The following AATK variants were observed in gnomAD, a reference collection of about 807,000 sequenced individuals.
AATK encodes the protein lemur tail kinase 1.
A neutral mutation model predicts 114.3 loss-of-function variants in AATK; 91 were observed. The ratio of observed to expected loss-of-function variants is 0.80; its 90% CI spans 0.67 to 0.95. The LOEUF is 0.95. Ranked by LOEUF, AATK falls within the 40% of genes least tolerant of loss-of-function variation. The probability of loss-of-function intolerance (pLI) is 0.00; values close to 1 mark genes in which losing one functional copy is unlikely to be tolerated. For synonymous variants in AATK, 1,075 were observed against 916.5 expected (o/e 1.17, Z -3.12); for missense variants, 2,176 against 1,965.2 (o/e 1.11, Z -2.03).
At chr17:81,130,741 C>T (rs142519867) in intron 3 of AATK, among the ~76,000 whole-genome samples, 53 of 152,238 alleles carry the variant, frequency 3.5e-4, no homozygotes, top group African/African-American at 1.2e-3. Flanking sequence ...ACCCCTGCCC[C>T]GTGCCCACCC....
intron 1 of AATK, 48 bp from the exon 2 acceptor site, chr17:81,134,549 A>G (rs1291604771): frequency 6.3e-7 from 1 of 1,583,506 alleles, no homozygotes; most frequent in South Asian, 1.1e-5. Flanking sequence ...AGGGCCGGCC[A>G]GGCCCCTGCC....
At chr17:81,160,605 G>A (rs887482682) in intron 1 of AATK, among the ~76,000 whole-genome samples, 19 of 152,206 alleles carry the variant, frequency 1.2e-4, no homozygotes, top group African/African-American at 3.1e-4. Flanking sequence ...CGGAGGGGAC[G>A]GGAGTCTCCC....
At position 81,126,925 on chromosome 17, in the gene AATK, C is replaced by G; in HGVS notation, c.622-365G>C. The G allele has an allele frequency of 1.0e-6, 1 of 973,302 alleles. No homozygotes were observed. Among genetic ancestry groups the G allele is most frequent in the Non-Finnish European group, 1.3e-6 (1 of 782,664 alleles). The allele number at this position is 973,302 out of a possible 1,614,324, so 60.3% of individuals were successfully genotyped here. A position where few individuals can be genotyped will look rare whatever the true frequency, so the allele number is the denominator to read the frequency against. On this transcript the variant is annotated intron_variant, in intron 6 of 13. Coordinates refer to ENST00000326724, the MANE Select transcript of AATK (RefSeq NM_001080395.3). The surrounding 1 kb of genome is among the most constrained non-coding windows in gnomAD (Gnocchi z 5.1). ...CCCTGACCTGCCGAAAGCCCAGCCC[C>G]GGGACGGTCAACGTCAGGAGTCCAG...
intron 1 of AATK, among the ~76,000 whole-genome samples, chr17:81,148,453 G>C (rs986585784): frequency 1.2e-4 from 19 of 152,318 alleles, no homozygotes; most frequent in Admixed American, 4.6e-4. Context: ...CGTCCACAGG[G>C]ACCCTTCCTG....
At chr17:81,124,125 T>C (rs1480230439) in intron 9 of AATK, among the ~76,000 whole-genome samples, 1 of 151,028 alleles carries the variant, frequency 6.6e-6, no homozygotes, top group African/African-American at 2.4e-5. Flanking sequence ...GATCTGAGAG[T>C]TCCCCAGAAG....
Position 81,126,321 on chromosome 17 carries a change from G to T in AATK, c.755+106C>A. The T allele has an allele frequency of 7.3e-7, 1 of 1,368,468 alleles. No individual in the cohort carries two copies. Among genetic ancestry groups the T allele is most frequent in the Non-Finnish European group, 9.8e-7 (1 of 1,024,524 alleles). 84.8% of individuals were successfully genotyped at this position (1,368,468 alleles called of 1,614,324 possible). On this transcript the variant is annotated intron_variant, in intron 7 of 13. Coordinates refer to ENST00000326724, the MANE Select transcript of AATK (RefSeq NM_001080395.3). This position sits in a 1 kb window ranked among gnomAD's most constrained non-coding sequence, Gnocchi z 5.1. ...GTCTGATGCTGCATGAGATGAACCT[G>T]GCCGGTCCTCGCAAGCCCCCTGAGG...
chr17:81,132,664 C>A, intron 2 of AATK: 1 of 310,694 alleles, frequency 3.2e-6, no homozygotes. Context: ...ACCTGCTGCC[C>A]GGGGGCCAGC....
At chr17:81,130,640 G>A (rs935850790) in intron 3 of AATK, among the ~76,000 whole-genome samples, 10 of 152,280 alleles carry the variant, frequency 6.6e-5, no homozygotes, top group Middle Eastern at 3.4e-3. Flanking sequence ...AGGAATCTGG[G>A]GTCAAGCATC....
Position 81,127,485 on chromosome 17 carries a change from G to A in AATK, c.621+98C>T, listed in dbSNP as rs544961278. On this transcript the variant is annotated intron_variant, in intron 6 of 13. Coordinates refer to ENST00000326724, the MANE Select transcript of AATK (RefSeq NM_001080395.3). ...CCTGGGTCTTGGCTTTAGGGAGGAT[G>A]TGAGGCCCCCAAGGAGGGGGTGGCA... 2.3e-5 allele frequency: 28 copies of A among 1,233,614 alleles called. No individual in the cohort carries two copies. In the Admixed American group the frequency reaches 3.2e-4, roughly 14 times the overall value. The allele number at this position is 1,233,614 out of a possible 1,614,324, so 76.4% of individuals were successfully genotyped here. A position where few individuals can be genotyped will look rare whatever the true frequency, so the allele number is the denominator to read the frequency against.
rs2060575908 is a variant in AATK at position 81,117,369 on chromosome 17, A to G, written c.*1033T>C. The G allele has an allele frequency of 6.6e-6, 1 of 152,320 alleles. No homozygotes were observed. Among genetic ancestry groups the G allele is most frequent in the African/African-American group, 2.4e-5 (1 of 41,456 alleles). 9.4% of individuals were successfully genotyped at this position (152,320 alleles called of 1,614,324 possible). A position where few individuals can be genotyped will look rare whatever the true frequency, so the allele number is the denominator to read the frequency against. ...CATTGCACCAGCGTTCTAAGCCTCA[A>G]ACAAAACACAAAACAAATCCCCCTG... On this transcript the variant is annotated 3_prime_UTR_variant, in exon 14 of 14. Transcript: ENST00000326724.
Position 81,123,174 on chromosome 17 carries a change from C to G in AATK, c.1112+20G>C, listed in dbSNP as rs753766745. 7.0e-7 allele frequency: 1 copy of G among 1,420,046 alleles called. No homozygotes were observed. The highest frequency in any genetic ancestry group is 1.5e-5 in the South Asian group (1 of 67,086). 88.0% of individuals were successfully genotyped at this position (1,420,046 alleles called of 1,614,324 possible). ...CCCATCTCGGCCTGGCTGTCCGGGA[C>G]AGGGCAGTGGGGCCCTCACCAGCGG... On this transcript the variant is annotated intron_variant, in intron 10 of 13. Transcript: ENST00000326724.
Position 81,127,896 on chromosome 17 carries a change from C to A in AATK, c.429G>T (p.Glu143Asp). ...RGWFGKVFLGEVNSGISSAQV... is the reference protein window; with the variant it reads ...RGWFGKVFLGDVNSGISSAQV... ...GGGCACTGCTGATGCCAGAGTTCACCTCCCCCAGGAACACCTGTGGGACAG... is the reference window on the plus strand; with the variant it reads ...GGGCACTGCTGATGCCAGAGTTCACATCCCCCAGGAACACCTGTGGGACAG... The change falls in exon 5 of 14, where the codon GAG (glutamate) becomes GAT (aspartate). Residue 143 changes from glutamate to aspartate, a missense_variant. Transcript: ENST00000326724. 6.5e-7 allele frequency: 1 copy of A among 1,549,046 alleles called. No homozygotes were observed. Among genetic ancestry groups the A allele is most frequent in the Non-Finnish European group, 8.7e-7 (1 of 1,146,964 alleles).
At chr17:81,128,812 T>C in intron 3 of AATK, 1 of 1,265,062 alleles carries the variant, frequency 7.9e-7, no homozygotes, top group Non-Finnish European at 1.0e-6. Flanking sequence ...CTGAAGCCAC[T>C]GGGATAGCCC....
rs759959112 is a variant in AATK, at chr17:81,121,224, G to A, written c.2712C>T (p.Asp904=). The stretch of plus-strand genomic sequence containing the variant: ...TGGCTGAGGACGGGATGTCCAGGGA[G>A]TCCAGGGAGTCGGGGGTCCCCACCT... ...QKQVGTPDSL[D]SLDIPSSASD... The change falls in exon 11 of 14, where the codon GAC becomes GAT. Residue 904 remains aspartate, a synonymous_variant. Transcript: ENST00000326724. 25 of 1,605,812 alleles carry A rather than the reference G, an allele frequency of 1.6e-5. No individual in the cohort carries two copies. The highest frequency in any genetic ancestry group is 2.1e-5 in the Non-Finnish European group (25 of 1,176,706).
intron 13 of AATK, 118 bp downstream of exon 13, chr17:81,119,262 G>GGGGCCGGGAAT: frequency 9.0e-7 from 1 of 1,105,032 alleles, no homozygotes; most frequent in Non-Finnish European, 1.2e-6. Context: ...GGGAAGGAGC[G>GGGGCCGGGAAT]GAGCGGAGCG....
At chr17:81,134,131 C>G (rs1264557271) in intron 2 of AATK, among the ~76,000 whole-genome samples, 1 of 152,180 alleles carries the variant, frequency 6.6e-6, no homozygotes, top group Non-Finnish European at 1.5e-5. Context: ...GTGGGAGCGT[C>G]AGACCACGCC....
chr17:81,158,668 A>G (rs1186513572), intron 1 of AATK, among the ~76,000 whole-genome samples: 3 of 152,142 alleles, frequency 2.0e-5, no homozygotes, highest in Admixed American at 1.3e-4. Context: ...AATACCTCCA[A>G]TGGGCACTCG....
chr17:81,159,906 C>G (rs1041008730), intron 1 of AATK, among the ~76,000 whole-genome samples: 2 of 152,102 alleles, frequency 1.3e-5, no homozygotes, highest in African/African-American at 2.4e-5. Context: ...TCCTGGGGAC[C>G]CTGGCAGGTG....
intron 1 of AATK, chr17:81,165,638 C>T (rs1054391548): frequency 1.4e-6 from 2 of 1,472,462 alleles, no homozygotes; most frequent in Non-Finnish European, 1.8e-6. Context: ...GACCAACTCT[C>T]CTGGACACCA....
Sources: gnomAD v4.1 joint callset for allele counts (sites outside exome capture counted in the v4.1 genomes callset) on GRCh38, gnomAD v4.1.1 for gene constraint, Gnocchi (gnomAD v3.1) non-coding constraint, MANE v1.5 for transcripts, NCBI Gene and HGNC (gene_info 2026-07-23, HGNC 2026-07-21) for gene names.